The following LOC128125817 variants were observed in gnomAD, a reference collection of about 807,000 sequenced individuals.
At chr1:41,609,039 A>G in the LOC128125817 span, among the ~76,000 whole-genome samples, 1 of 151,996 alleles carries the variant, frequency 6.6e-6, no homozygotes, top group East Asian at 1.9e-4. Context: ...AGCCTGGGCA[A>G]CAAGAGTGAA....
chr1:41,612,851 TG>T, the LOC128125817 span, among the ~76,000 whole-genome samples: 1 of 152,232 alleles, frequency 6.6e-6, no homozygotes, highest in Non-Finnish European at 1.5e-5. Context: ...ATGGAAGAGA[TG>T]GGCAGAGCTG....
chr1:41,593,905 A>G, the LOC128125817 span, among the ~76,000 whole-genome samples: 255 of 152,146 alleles, frequency 1.7e-3, 1 homozygote, highest in African/African-American at 5.9e-3. Context: ...GCCTTTCCCA[A>G]CTTCTAGAGG....
At chr1:41,594,831 T>C in the LOC128125817 span, among the ~76,000 whole-genome samples, 1 of 152,236 alleles carries the variant, frequency 6.6e-6, no homozygotes, top group Non-Finnish European at 1.5e-5. Flanking sequence ...AGTTCCATTA[T>C]GATTTATTTT....
At chr1:41,597,906 C>G in the LOC128125817 span, among the ~76,000 whole-genome samples, 1 of 152,228 alleles carries the variant, frequency 6.6e-6, no homozygotes, top group African/African-American at 2.4e-5. Context: ...GGCCCAGATG[C>G]TTGTAGCTAA....
At chr1:41,618,517 G>A in the LOC128125817 span, among the ~76,000 whole-genome samples, 15 of 152,298 alleles carry the variant, frequency 9.8e-5, no homozygotes, top group Non-Finnish European at 1.9e-4. Context: ...TGACAGCAGC[G>A]TCTGCCTGCC....
At chr1:41,608,060 C>A in the LOC128125817 span, among the ~76,000 whole-genome samples, 10 of 152,146 alleles carry the variant, frequency 6.6e-5, no homozygotes, top group Non-Finnish European at 8.8e-5. Flanking sequence ...GTGTGCCCTG[C>A]TAAAATTTCC....
chr1:41,616,877 G>C, the LOC128125817 span, among the ~76,000 whole-genome samples: 1 of 152,220 alleles, frequency 6.6e-6, no homozygotes, highest in African/African-American at 2.4e-5. Flanking sequence ...ACCAGGCACA[G>C]TTATAAGCAC....
At chr1:41,603,329 A>G in the LOC128125817 span, among the ~76,000 whole-genome samples, 1 of 151,044 alleles carries the variant, frequency 6.6e-6, no homozygotes. Flanking sequence ...CGGCCTCCCA[A>G]AGCGCTGGGA....
chr1:41,603,945 TC>T, the LOC128125817 span, among the ~76,000 whole-genome samples: 1 of 152,232 alleles, frequency 6.6e-6, no homozygotes, highest in Non-Finnish European at 1.5e-5. Flanking sequence ...AAAACAATGC[TC>T]AATACAATTT....
the LOC128125817 span, among the ~76,000 whole-genome samples, chr1:41,611,468 G>C: frequency 6.6e-6 from 1 of 152,184 alleles, no homozygotes; most frequent in Admixed American, 6.5e-5. Context: ...TCCTCAGAAC[G>C]AGCCTATCAG....
the LOC128125817 span, among the ~76,000 whole-genome samples, chr1:41,589,534 C>T: frequency 1.3e-5 from 2 of 152,192 alleles, no homozygotes; most frequent in Non-Finnish European, 2.9e-5. Flanking sequence ...GTATCGAAGG[C>T]GTCAGGACAA....
the LOC128125817 span, among the ~76,000 whole-genome samples, chr1:41,591,595 C>T: frequency 6.6e-6 from 1 of 151,988 alleles, no homozygotes; most frequent in African/African-American, 2.4e-5. Context: ...GCCACCAGAT[C>T]CATCTTCCTG....
At chr1:41,626,343 C>T in the LOC128125817 span, among the ~76,000 whole-genome samples, 2 of 152,356 alleles carry the variant, frequency 1.3e-5, no homozygotes, top group East Asian at 3.9e-4. Context: ...TAATCACAGG[C>T]ACTTTCTTCC....
At chr1:41,601,194 A>G in the LOC128125817 span, among the ~76,000 whole-genome samples, 1 of 152,156 alleles carries the variant, frequency 6.6e-6, no homozygotes, top group Non-Finnish European at 1.5e-5. Context: ...TGAGGCTTCC[A>G]GCTTTGTTCT....
the LOC128125817 span, among the ~76,000 whole-genome samples, chr1:41,606,428 A>C: frequency 6.6e-6 from 1 of 151,948 alleles, no homozygotes; most frequent in Admixed American, 6.5e-5. Flanking sequence ...AGTATAATTA[A>C]GTCTACTCTA....
chr1:41,608,917 C>CAAA, the LOC128125817 span, among the ~76,000 whole-genome samples: 11,396 of 123,356 alleles, frequency 0.092, 853 homozygotes, highest in Admixed American at 0.24. Context: ...CTAAAAATAC[C>CAAA]AAAAAAAAAA....
the LOC128125817 span, among the ~76,000 whole-genome samples, chr1:41,588,411 A>C: frequency 2.0e-5 from 3 of 152,146 alleles, no homozygotes; most frequent in South Asian, 6.2e-4. Flanking sequence ...CTGGCCAGGC[A>C]GGACTCTACA....
the LOC128125817 span, among the ~76,000 whole-genome samples, chr1:41,627,027 G>A: frequency 6.6e-6 from 1 of 152,222 alleles, no homozygotes; most frequent in Admixed American, 6.5e-5. Flanking sequence ...ACTCGAACCT[G>A]TCTGTAAAGT....
At chr1:41,618,927 CCCCGCAG>C in the LOC128125817 span, among the ~76,000 whole-genome samples, 3 of 152,218 alleles carry the variant, frequency 2.0e-5, no homozygotes, top group Non-Finnish European at 4.4e-5. Context: ...TTCCCATGGC[CCCCGCAG>C]TTGCCACCCT....
Sources: allele counts gnomAD v4.1 joint callset (sites outside exome capture counted in the v4.1 genomes callset), GRCh38; gene constraint gnomAD v4.1.1; transcripts MANE v1.5.